Variants in NRXN3 observed in about 807,000 individuals in gnomAD.
NRXN3 encodes neurexin 3.
A neutral mutation model predicts 137.6 loss-of-function variants in NRXN3; 32 were observed. That is an observed-to-expected ratio of 0.23 (90% confidence interval 0.18 to 0.31). The LOEUF (loss-of-function observed/expected upper bound fraction) is 0.31. Among genes scored for constraint, NRXN3 ranks in the 10% least tolerant of loss-of-function variants. The probability of loss-of-function intolerance (pLI) is 1.00; values close to 1 mark genes in which losing one functional copy is unlikely to be tolerated. For missense variants in NRXN3, 1,574 were observed against 2,062.5 expected, an observed-to-expected ratio of 0.76 and a Z score of 4.59; for synonymous variants, 798 against 784.5, an observed-to-expected ratio of 1.02 and a Z score of -0.29.
intron 19 of NRXN3, among the ~76,000 whole-genome samples, chr14:79,797,611 T>A (rs1568285861): frequency 6.6e-6 from 1 of 152,152 alleles, no homozygotes; most frequent in African/African-American, 2.4e-5. Flanking sequence ...CAAAGGTAAC[T>A]ATAAATGGGA....
intron 15 of NRXN3, among the ~76,000 whole-genome samples, chr14:79,162,143 T>A (rs536061378): frequency 1.1e-4 from 17 of 151,686 alleles, no homozygotes; most frequent in East Asian, 3.9e-4. Flanking sequence ...TCTTTTTTTT[T>A]AATTTATTAT....
chr14:78,925,949 T>G (rs1262626114), intron 10 of NRXN3, among the ~76,000 whole-genome samples: 1 of 152,208 alleles, frequency 6.6e-6, no homozygotes, highest in Non-Finnish European at 1.5e-5. Context: ...TAAAACTCAC[T>G]GAAGTATTTT....
intron 20 of NRXN3, among the ~76,000 whole-genome samples, chr14:79,855,641 T>C (rs1183538839): frequency 6.6e-6 from 1 of 152,080 alleles, no homozygotes; most frequent in African/African-American, 2.4e-5. Context: ...CCTCAATATA[T>C]AATTATACTT....
At chr14:79,303,157 C>T (rs2085430237) in intron 15 of NRXN3, among the ~76,000 whole-genome samples, 1 of 152,004 alleles carries the variant, frequency 6.6e-6, no homozygotes, top group African/African-American at 2.4e-5. Flanking sequence ...CTCTTCCAGG[C>T]TTGGGGCTTT....
intron 15 of NRXN3, among the ~76,000 whole-genome samples, chr14:79,087,056 C>A (rs2048262122): frequency 6.6e-6 from 1 of 152,104 alleles, no homozygotes; most frequent in African/African-American, 2.4e-5. Context: ...CTAAGGAACC[C>A]AGAAGTGGCC....
intron 15 of NRXN3, among the ~76,000 whole-genome samples, chr14:79,160,469 T>A (rs1041529513): frequency 6.6e-6 from 1 of 151,948 alleles, no homozygotes; most frequent in Non-Finnish European, 1.5e-5. Context: ...CAGAGCACAC[T>A]GAACTACAAC....
Position 78,394,622 on chromosome 14 carries a change from G to C in NRXN3, c.757+96762G>C, listed in dbSNP as rs369510099. Among the ~76,000 whole-genome samples the C allele has an allele frequency of 9.9e-5, 15 of 151,698 alleles. No homozygotes were observed. In the South Asian group the frequency reaches 2.9e-3, roughly 29 times the overall value. On this transcript the variant is annotated intron_variant, in intron 4 of 20. Coordinates refer to ENST00000335750, the MANE Select transcript of NRXN3 (RefSeq NM_001330195.2). ...GTATCTCCCTTTTCTCTATTTTCTGGAAGTTATTTTATAGAATTAGTTAAT... is the reference window on the plus strand; with the variant it reads ...GTATCTCCCTTTTCTCTATTTTCTGCAAGTTATTTTATAGAATTAGTTAAT...
At chr14:79,631,822 A>G (rs1232625999) in intron 16 of NRXN3, among the ~76,000 whole-genome samples, 2 of 121,710 alleles carry the variant, frequency 1.6e-5, no homozygotes, top group Non-Finnish European at 3.2e-5. Context: ...CTAGCTAATC[A>G]GGTAGGGGAC....
At chr14:78,978,555 A>G (rs1308317855) in intron 14 of NRXN3, among the ~76,000 whole-genome samples, 2 of 151,860 alleles carry the variant, frequency 1.3e-5, no homozygotes, top group Non-Finnish European at 2.9e-5. Context: ...AAATTTAGAA[A>G]TACTCTGAAA....
intron 16 of NRXN3, among the ~76,000 whole-genome samples, chr14:79,574,145 T>C (rs1330480116): frequency 2.0e-5 from 3 of 152,052 alleles, no homozygotes; most frequent in African/African-American, 7.2e-5. Flanking sequence ...GGCCAGAATA[T>C]GATTGTATTC....
intron 19 of NRXN3, among the ~76,000 whole-genome samples, chr14:79,703,749 G>A (rs972546140): frequency 3.9e-5 from 6 of 152,064 alleles, no homozygotes; most frequent in Middle Eastern, 3.2e-3. Context: ...CTCTGGGCAG[G>A]TGATTAGCCT....
At chr14:79,839,993 A>G (rs1232689361) in intron 20 of NRXN3, among the ~76,000 whole-genome samples, 1 of 152,160 alleles carries the variant, frequency 6.6e-6, no homozygotes, top group Non-Finnish European at 1.5e-5. Flanking sequence ...GTATGTATGT[A>G]TTTAAACGAA....
intron 4 of NRXN3, among the ~76,000 whole-genome samples, chr14:78,388,702 AC>A (rs1304878812): frequency 6.6e-6 from 1 of 152,160 alleles, no homozygotes; most frequent in African/African-American, 2.4e-5. Context: ...GAGTTAGCTG[AC>A]CCTGAAATAG....
At chr14:78,901,561 T>C (rs1046321559) in intron 10 of NRXN3, among the ~76,000 whole-genome samples, 2 of 152,084 alleles carry the variant, frequency 1.3e-5, no homozygotes, top group African/African-American at 4.8e-5. Flanking sequence ...AAAGTTATTG[T>C]CAACTGCAGT....
intron 4 of NRXN3, among the ~76,000 whole-genome samples, chr14:78,638,658 C>T (rs1251390825): frequency 6.6e-6 from 1 of 152,168 alleles, no homozygotes; most frequent in Non-Finnish European, 1.5e-5. Flanking sequence ...GATGTCTGCT[C>T]ACAGCTTCCT....
At chr14:78,839,495 C>A (rs2099006046) in intron 10 of NRXN3, among the ~76,000 whole-genome samples, 1 of 152,184 alleles carries the variant, frequency 6.6e-6, no homozygotes, top group Admixed American at 6.5e-5. Flanking sequence ...TTCATCTGTC[C>A]AAGCTCTTCA....
chr14:79,402,949 C>T (rs1486794376), intron 15 of NRXN3, among the ~76,000 whole-genome samples: 2 of 152,052 alleles, frequency 1.3e-5, no homozygotes, highest in Non-Finnish European at 2.9e-5. Context: ...AGTAATTATA[C>T]CTGCAAAGGA....
chr14:78,912,599 T>C (rs767816667), intron 10 of NRXN3, among the ~76,000 whole-genome samples: 2 of 152,082 alleles, frequency 1.3e-5, no homozygotes, highest in African/African-American at 4.8e-5. Flanking sequence ...CTGTAAAGGA[T>C]GGAAAACGCA....
chr14:79,152,048 C>T (rs959929439), intron 15 of NRXN3, among the ~76,000 whole-genome samples: 2 of 151,978 alleles, frequency 1.3e-5, no homozygotes, highest in African/African-American at 4.8e-5. Context: ...TCTACAGACA[C>T]TTTTGCTTTA....
Sources: allele counts gnomAD v4.1 joint callset (sites outside exome capture counted in the v4.1 genomes callset), GRCh38; gene constraint gnomAD v4.1.1; transcripts MANE v1.5; gene names NCBI Gene and HGNC (gene_info 2026-07-23, HGNC 2026-07-21).